The following TENM4 variants were observed in gnomAD, a reference collection of about 807,000 sequenced individuals.
TENM4 encodes the protein teneurin-4.
Under a neutral mutation model 243.3 loss-of-function variants are expected in TENM4, and 82 were observed. The observed-to-expected ratio is 0.34, with a 90% CI of 0.28 to 0.40. The LOEUF is 0.40. TENM4 is among the 10% of genes least tolerant of loss of function. The pLI is 1.00. For synonymous variants in TENM4, 1,412 were observed against 1,456.3 expected, an observed-to-expected ratio of 0.97 and a Z score of 0.69; for missense variants, 3,138 against 3,673.3, an observed-to-expected ratio of 0.85 and a Z score of 3.77.
intron 24 of TENM4, among the ~76,000 whole-genome samples, chr11:78,721,851 T>C (rs971570128): frequency 6.6e-6 from 1 of 152,076 alleles, no homozygotes; most frequent in Non-Finnish European, 1.5e-5. Context: ...GAGGCTCCCT[T>C]ATCTCTAAAG....
chr11:78,721,296 T>C (rs966682387), intron 24 of TENM4, among the ~76,000 whole-genome samples: 1 of 152,236 alleles, frequency 6.6e-6, no homozygotes, highest in Non-Finnish European at 1.5e-5. Context: ...TCAGCCGATA[T>C]CTGATTTCCT....
At chr11:79,346,125 T>A (rs190800028) in intron 1 of TENM4, among the ~76,000 whole-genome samples, 1 of 152,284 alleles carries the variant, frequency 6.6e-6, no homozygotes, top group East Asian at 1.9e-4. Flanking sequence ...CGAAGTCCAT[T>A]CTAGCTCATT....
At chr11:78,808,085 A>G (rs1314504196) in intron 14 of TENM4, among the ~76,000 whole-genome samples, 1 of 152,234 alleles carries the variant, frequency 6.6e-6, no homozygotes, top group Non-Finnish European at 1.5e-5. Flanking sequence ...CTTTAAATGT[A>G]TTCATTAATT....
At chr11:78,690,099 G>A (rs948114136) in intron 28 of TENM4, among the ~76,000 whole-genome samples, 2 of 152,150 alleles carry the variant, frequency 1.3e-5, no homozygotes, top group African/African-American at 2.4e-5. Flanking sequence ...TTCTTAGTAC[G>A]GAGTCAGGTT....
At chr11:79,128,018 G>T (rs1861918759) in intron 4 of TENM4, among the ~76,000 whole-genome samples, 1 of 152,142 alleles carries the variant, frequency 6.6e-6, no homozygotes, top group Non-Finnish European at 1.5e-5. Flanking sequence ...GACCCAAAAG[G>T]CTGCCAGTTT....
chr11:78,868,722 C>G (rs780081192), intron 9 of TENM4, among the ~76,000 whole-genome samples: 1 of 152,200 alleles, frequency 6.6e-6, no homozygotes, highest in Non-Finnish European at 1.5e-5. Flanking sequence ...TCTGCTGTCA[C>G]GATGCACACT....
intron 33 of TENM4, 95 bp from the exon 34 acceptor site, chr11:78,658,911 A>G: frequency 7.2e-7 from 1 of 1,388,706 alleles, no homozygotes. Flanking sequence ...TCAAAACCAC[A>G]CATATTTATT....
At chr11:79,421,592 A>G (rs10899620) in intron 1 of TENM4, among the ~76,000 whole-genome samples, 33,732 of 152,058 alleles carry the variant, frequency 0.22, 3,944 homozygotes, top group East Asian at 0.36. Context: ...CACACAAGGT[A>G]GAATGAGGAG....
At chr11:79,237,427 A>C (rs1864497506) in intron 2 of TENM4, among the ~76,000 whole-genome samples, 1 of 152,226 alleles carries the variant, frequency 6.6e-6, no homozygotes, top group Admixed American at 6.5e-5. Flanking sequence ...CTATAATCCC[A>C]GCACATTGGG....
At chr11:79,037,633 T>C (rs539828994) in intron 6 of TENM4, among the ~76,000 whole-genome samples, 3 of 152,320 alleles carry the variant, frequency 2.0e-5, no homozygotes, top group East Asian at 1.9e-4. Context: ...TCAACCACCA[T>C]GTCTCAAATT....
chr11:79,381,507 C>T (rs78275794), intron 1 of TENM4, among the ~76,000 whole-genome samples: 4,339 of 151,180 alleles, frequency 0.029, 218 homozygotes, highest in African/African-American at 0.1. Flanking sequence ...ACCACTCAAG[C>T]GTTCATTCAA....
At chr11:78,856,324 G>C in intron 10 of TENM4, 146 bp from the exon 11 acceptor site, 1 of 694,076 alleles carries the variant, frequency 1.4e-6, no homozygotes, top group Non-Finnish European at 2.4e-6. Flanking sequence ...CCCCACCCTG[G>C]CCCTCCCCAC....
intron 6 of TENM4, among the ~76,000 whole-genome samples, chr11:78,915,964 G>T (rs996542804): frequency 1.3e-4 from 20 of 152,202 alleles, no homozygotes; most frequent in African/African-American, 4.8e-4. Flanking sequence ...GAGCAGTATT[G>T]CATGGTGGGT....
chr11:78,943,927 T>G (rs1011847040), intron 6 of TENM4, among the ~76,000 whole-genome samples: 1 of 152,230 alleles, frequency 6.6e-6, no homozygotes, highest in African/African-American at 2.4e-5. Flanking sequence ...CACAAAGGTG[T>G]GTGTATAACG....
At chr11:78,853,899 G>A (rs924430840) in intron 12 of TENM4, among the ~76,000 whole-genome samples, 1 of 152,158 alleles carries the variant, frequency 6.6e-6, no homozygotes, top group East Asian at 1.9e-4. Flanking sequence ...GAGAAGCAGC[G>A]GGCAACAGCC....
At chr11:78,905,522 G>A (rs981530490) in intron 6 of TENM4, among the ~76,000 whole-genome samples, 8 of 152,116 alleles carry the variant, frequency 5.3e-5, no homozygotes, top group Admixed American at 2.0e-4. Context: ...AAAACCCTCC[G>A]GAATCCGATC....
intron 1 of TENM4, among the ~76,000 whole-genome samples, chr11:79,332,603 C>T (rs1304196872): frequency 6.6e-6 from 1 of 152,132 alleles, no homozygotes; most frequent in African/African-American, 2.4e-5. Context: ...AGTTTATAAG[C>T]ACTCTTCCCA....
At chr11:79,219,050 A>T (rs1350654116) in intron 2 of TENM4, among the ~76,000 whole-genome samples, 1 of 152,222 alleles carries the variant, frequency 6.6e-6, no homozygotes, top group Non-Finnish European at 1.5e-5. Context: ...TGTAAGAGAG[A>T]TGCAGACAGA....
chr11:79,180,524 T>C (rs1331967831), intron 3 of TENM4, among the ~76,000 whole-genome samples: 2 of 151,786 alleles, frequency 1.3e-5, no homozygotes, highest in Non-Finnish European at 2.9e-5. Context: ...TTCTCATTTA[T>C]ACAGTGAGAA....
Sources: gnomAD v4.1 joint callset for allele counts (sites outside exome capture counted in the v4.1 genomes callset) on GRCh38, gnomAD v4.1.1 for gene constraint, MANE v1.5 for transcripts, NCBI Gene and HGNC (gene_info 2026-07-23, HGNC 2026-07-21) for gene names.